Variants in AFF2 observed in about 807,000 individuals in gnomAD.
The protein encoded by AFF2 is ALF transcription elongation factor 2, also known as AF4/FMR2 family member 2.
AFF2 carries 14 observed loss-of-function variants against 76.9 expected under a neutral mutation model. The ratio of observed to expected loss-of-function variants is 0.18; its 90% confidence interval spans 0.12 to 0.28. AFF2 has a LOEUF of 0.28. AFF2 is among the 10% of genes least tolerant of loss of function. AFF2 has a pLI of 1.00. For missense variants in AFF2, 868 were observed against 1,001.1 expected (o/e 0.87, Z 1.79); for synonymous variants, 398 against 366.7 (o/e 1.09, Z -0.98).
At chrX:148,934,891 G>A (rs2071754791) in intron 9 of AFF2, among the ~76,000 whole-genome samples, 1 of 111,672 alleles carries the variant, frequency 9.0e-6, no homozygotes, top group Non-Finnish European at 1.9e-5. Flanking sequence ...ATTGAAAGGC[G>A]GAGAGAAGGC....
chrX:148,919,972 G>A (rs1425697539), intron 9 of AFF2, among the ~76,000 whole-genome samples: 2 of 111,829 alleles, frequency 1.8e-5, no homozygotes, highest in South Asian at 3.7e-4. Flanking sequence ...GTAGTTTGGT[G>A]TTAAATCACA....
At chrX:148,516,722 A>G (rs782637916) in intron 1 of AFF2, among the ~76,000 whole-genome samples, 7 of 112,024 alleles carry the variant, frequency 6.2e-5, no homozygotes, top group Non-Finnish European at 1.1e-4. Context: ...AGTAAGTAGT[A>G]GAGCTGGGAT....
chrX:148,560,769 A>C (rs1163497421), intron 1 of AFF2, among the ~76,000 whole-genome samples: 1 of 112,221 alleles, frequency 8.9e-6, no homozygotes, highest in African/African-American at 3.2e-5. Context: ...AAAAGGAAAA[A>C]ATAAGACATT....
At chrX:148,739,016 T>C (rs1473141264) in intron 3 of AFF2, among the ~76,000 whole-genome samples, 1 of 112,033 alleles carries the variant, frequency 8.9e-6, no homozygotes, top group Non-Finnish European at 1.9e-5. Flanking sequence ...TTAAATGTAT[T>C]GAGGCGCATT....
At chrX:148,530,891 A>G (rs951493817) in intron 1 of AFF2, among the ~76,000 whole-genome samples, 2 of 111,796 alleles carry the variant, frequency 1.8e-5, no homozygotes, top group Non-Finnish European at 3.8e-5. Flanking sequence ...TACATTTAGC[A>G]CATGTTTGGG....
chrX:148,784,457 A>G (rs2069787284), intron 3 of AFF2, among the ~76,000 whole-genome samples: 3 of 111,847 alleles, frequency 2.7e-5, no homozygotes, highest in African/African-American at 9.8e-5. Flanking sequence ...GGAGTCGGAA[A>G]GGCCAAAGGA....
Position 148,958,461 on chromosome X carries a change from G to A in AFF2, c.2690+3G>A. 1 of 1,208,268 alleles carries A rather than the reference G, an allele frequency of 8.3e-7. No individual in the cohort carries two copies. Among genetic ancestry groups the A allele is most frequent in the Non-Finnish European group, 1.1e-6 (1 of 893,967 alleles). ...CACAAGCCTCCCAACACTAGAGAGT[G>A]AGTTTGCCCTGGCCCTGTCTGATGG... is the stretch of plus-strand genomic sequence containing the variant. On this transcript the variant is annotated splice_donor_region_variant and intron_variant, in intron 12 of 20. Transcript: ENST00000370460.
chrX:148,521,207 A>C (rs180932939), intron 1 of AFF2, among the ~76,000 whole-genome samples: 1 of 111,716 alleles, frequency 9.0e-6, no homozygotes, highest in Non-Finnish European at 1.9e-5. Context: ...AGGCTCTGAT[A>C]ATGTCACTGT....
At chrX:148,799,362 A>G (rs1210355545) in intron 3 of AFF2, among the ~76,000 whole-genome samples, 1 of 111,858 alleles carries the variant, frequency 8.9e-6, no homozygotes, top group Non-Finnish European at 1.9e-5. Flanking sequence ...TCATCATGGT[A>G]ATCAAACTAT....
chrX:148,645,820 G>C (rs781913705), intron 1 of AFF2, among the ~76,000 whole-genome samples: 44 of 112,131 alleles, frequency 3.9e-4, no homozygotes, highest in Non-Finnish European at 7.3e-4. Context: ...TGACCTTAAG[G>C]AGGGAAAAGT....
intron 3 of AFF2, among the ~76,000 whole-genome samples, chrX:148,743,815 C>T (rs1343486355): frequency 4.5e-5 from 5 of 110,914 alleles, no homozygotes; most frequent in Non-Finnish European, 9.4e-5. Context: ...TCCTTAATGG[C>T]GTCTATCACT....
At chrX:148,857,348 AT>A (rs1457187208) in intron 7 of AFF2, among the ~76,000 whole-genome samples, 12 of 111,698 alleles carry the variant, frequency 1.1e-4, no homozygotes, top group African/African-American at 3.9e-4. Flanking sequence ...TAGACGAATC[AT>A]TTTTTCTTCC....
At chrX:148,563,032 C>T (rs894245515) in intron 1 of AFF2, among the ~76,000 whole-genome samples, 7 of 111,941 alleles carry the variant, frequency 6.3e-5, no homozygotes, top group African/African-American at 1.6e-4. Context: ...CTGTTTGAGC[C>T]GAGGCCTGCA....
At chrX:148,655,927 C>T (rs782416843) in intron 2 of AFF2, among the ~76,000 whole-genome samples, 1 of 111,921 alleles carries the variant, frequency 8.9e-6, no homozygotes, top group East Asian at 2.8e-4. Flanking sequence ...TTAGAATAAA[C>T]ATTCCTGATG....
chrX:148,803,158 A>T (rs895196780), intron 3 of AFF2, among the ~76,000 whole-genome samples: 1 of 111,460 alleles, frequency 9.0e-6, no homozygotes, highest in Non-Finnish European at 1.9e-5. Flanking sequence ...AAAGGAAAGG[A>T]CCAGGGCCAG....
chrX:148,876,543 C>T (rs923628559), intron 7 of AFF2, among the ~76,000 whole-genome samples: 2 of 111,960 alleles, frequency 1.8e-5, no homozygotes, highest in African/African-American at 6.5e-5. Flanking sequence ...AGTCCATTCG[C>T]TATTGTTCTG....
rs1393167746 is a variant in AFF2, at chrX:148,991,516, G to A, written c.*184G>A. 2 of 456,341 alleles carry A rather than the reference G, an allele frequency of 4.4e-6. No individual in the cohort carries two copies. The highest frequency in any genetic ancestry group is 5.0e-5 in the African/African-American group (2 of 39,733). The allele number at this position is 456,341 out of a possible 1,213,427, so 37.6% of individuals were successfully genotyped here. A position where few individuals can be genotyped will look rare whatever the true frequency, so the allele number is the denominator to read the frequency against. ...GTTGACACTACAACTTAAGGGCAGT[G>A]TACGTTTTATTACTTAGTCATTTTT... On this transcript the variant is annotated 3_prime_UTR_variant, in exon 21 of 21. Coordinates refer to ENST00000370460, the MANE Select transcript of AFF2 (RefSeq NM_002025.4).
intron 1 of AFF2, among the ~76,000 whole-genome samples, chrX:148,513,647 A>C (rs1557233421): frequency 8.9e-6 from 1 of 112,044 alleles, no homozygotes; most frequent in Admixed American, 9.5e-5. Flanking sequence ...TGTAACTCTT[A>C]GAAAGTAAGG....
At chrX:148,876,091 G>A (rs1299139631) in intron 7 of AFF2, among the ~76,000 whole-genome samples, 1 of 111,993 alleles carries the variant, frequency 8.9e-6, no homozygotes, top group Non-Finnish European at 1.9e-5. Flanking sequence ...CATTTCTCTA[G>A]TTTGCCTTGT....
Sources: gnomAD v4.1 joint callset for allele counts (sites outside exome capture counted in the v4.1 genomes callset) on GRCh38, gnomAD v4.1.1 for gene constraint, MANE v1.5 for transcripts, NCBI Gene and HGNC (gene_info 2026-07-23, HGNC 2026-07-21) for gene names.